DNAJC13: variants seen among roughly 807,000 people sequenced by gnomAD.
DNAJC13 encodes the protein DnaJ heat shock protein family (Hsp40) member C13, also known as dnaJ homolog subfamily C member 13.
Under a neutral mutation model 290.5 loss-of-function variants are expected in DNAJC13, and 75 were observed. That is an observed-to-expected ratio of 0.26 (90% confidence interval 0.21 to 0.31). The LOEUF is 0.31. Among genes scored for constraint, DNAJC13 ranks in the 10% least tolerant of loss-of-function variants. DNAJC13 has a pLI of 1.00. For missense variants in DNAJC13, 2,260 were observed against 2,674.5 expected (o/e 0.85, Z 3.42); for synonymous variants, 862 against 892.0 (o/e 0.97, Z 0.60).
chr3:132,514,811 A>G, intron 46 of DNAJC13, 141 bp downstream of exon 46: 1 of 663,372 alleles, frequency 1.5e-6, no homozygotes. Context: ...TTGTCTTCCT[A>G]ATAATGTTTT....
At chr3:132,460,200 C>T in intron 13 of DNAJC13, 50 bp from the exon 14 acceptor site, 1 of 1,240,736 alleles carries the variant, frequency 8.1e-7, no homozygotes, top group South Asian at 1.4e-5. Flanking sequence ...GTGATGCTAG[C>T]ACATGGGACT....
intron 55 of DNAJC13, among the ~76,000 whole-genome samples, chr3:132,532,649 A>G (rs1438156656): frequency 1.3e-5 from 2 of 152,114 alleles, no homozygotes; most frequent in East Asian, 1.9e-4. Context: ...CCTATGTCCA[A>G]AAGTTCACAT....
intron 51 of DNAJC13, among the ~76,000 whole-genome samples, chr3:132,525,355 A>G (rs189055796): frequency 2.1e-4 from 32 of 152,318 alleles, no homozygotes; most frequent in African/African-American, 7.0e-4. Context: ...AAAACCTGCA[A>G]TAGAAATTGG....
intron 25 of DNAJC13, 47 bp from the exon 26 acceptor site, chr3:132,480,322 G>T (rs777328225): frequency 1.5e-6 from 2 of 1,338,154 alleles, no homozygotes; most frequent in Non-Finnish European, 2.1e-6. Flanking sequence ...TAGGTTTTAG[G>T]TTATGAAAAA....
chr3:132,510,495 T>C (rs1455241894), intron 43 of DNAJC13, among the ~76,000 whole-genome samples: 1 of 152,032 alleles, frequency 6.6e-6, no homozygotes, highest in East Asian at 1.9e-4. Flanking sequence ...GTAACTGGGA[T>C]TACAGGTTCA....
chr3:132,499,492 G>A (rs1178888005), intron 37 of DNAJC13, among the ~76,000 whole-genome samples, 182 bp downstream of exon 37: 1 of 152,146 alleles, frequency 6.6e-6, no homozygotes, highest in East Asian at 1.9e-4. Context: ...CACAATGTGA[G>A]TTGGAAAGTA....
At chr3:132,519,134 T>C (rs1289547103) in intron 48 of DNAJC13, among the ~76,000 whole-genome samples, 1 of 152,222 alleles carries the variant, frequency 6.6e-6, no homozygotes, top group Admixed American at 6.5e-5. Context: ...CAGGTTTTTG[T>C]GTGGACATGT....
At chr3:132,507,125 C>T (rs1935619312) in intron 42 of DNAJC13, 112 bp from the exon 43 acceptor site, 1 of 662,450 alleles carries the variant, frequency 1.5e-6, no homozygotes, top group East Asian at 2.7e-5. Context: ...TATCACACCA[C>T]ATTTTTTCTC....
chr3:132,518,726 A>T (rs1295848881), intron 48 of DNAJC13, among the ~76,000 whole-genome samples: 1 of 152,106 alleles, frequency 6.6e-6, no homozygotes, highest in Admixed American at 6.6e-5. Flanking sequence ...TACAGTTCAC[A>T]CATATCTAGT....
chr3:132,505,025 A>T (rs1935541006), intron 41 of DNAJC13, among the ~76,000 whole-genome samples: 1 of 152,214 alleles, frequency 6.6e-6, no homozygotes, highest in South Asian at 2.1e-4. Flanking sequence ...GATTTTGAGA[A>T]TGTTGAAGTC....
intron 27 of DNAJC13, among the ~76,000 whole-genome samples, chr3:132,483,113 A>T (rs994128721): frequency 6.6e-6 from 1 of 152,040 alleles, no homozygotes; most frequent in African/African-American, 2.4e-5. Flanking sequence ...TAATTTGATT[A>T]TTTAGCACCC....
chr3:132,465,362 T>C (rs1933944501), intron 17 of DNAJC13, among the ~76,000 whole-genome samples: 1 of 152,182 alleles, frequency 6.6e-6, no homozygotes, highest in Admixed American at 6.5e-5. Context: ...TGAGGAGCTT[T>C]CAGTTAAGGT....
chr3:132,523,589 C>A lies in DNAJC13; in HGVS notation c.5936C>A (p.Ala1979Asp). 1 of 1,614,066 alleles carries A rather than the reference C, an allele frequency of 6.2e-7. No homozygotes were observed. Among genetic ancestry groups the A allele is most frequent in the Non-Finnish European group, 8.5e-7 (1 of 1,179,968 alleles). Residue 1979 changes from alanine to aspartate, a missense_variant, in exon 51 of 56, where the codon GCT (alanine) becomes GAT (aspartate). Ala to Asp is a moderately radical substitution (Grantham distance 126, BLOSUM62 -2). Around this residue, in one of 3 missense-constraint regions of DNAJC13, gnomAD observed 1,494 missense variants for 1,693.7 expected, o/e 0.88. Coordinates refer to ENST00000260818, the MANE Select transcript of DNAJC13 (RefSeq NM_015268.4). Reference protein sequence around the residue: ...VVFGEAEGELAVGGVFLRIFI... With the variant: ...VVFGEAEGELDVGGVFLRIFI... ...TTTGGAGAAGCAGAGGGTGAACTTG[C>A]TGTTGGAGGAGTCTTCTTGAGGATC...
chr3:132,437,122 G>A (rs1394057349), intron 2 of DNAJC13, among the ~76,000 whole-genome samples: 2 of 151,822 alleles, frequency 1.3e-5, no homozygotes, highest in Admixed American at 6.6e-5. Flanking sequence ...CAAGTAATCC[G>A]CCCGCCTCAG....
intron 51 of DNAJC13, among the ~76,000 whole-genome samples, chr3:132,525,270 G>A (rs894395436): frequency 6.6e-6 from 1 of 152,118 alleles, no homozygotes; most frequent in African/African-American, 2.4e-5. Context: ...AACCTGGGAG[G>A]CAGAGGTTGT....
In DNAJC13 at chr3:132,516,242, T is replaced by G. The variant is rs143441450; in HGVS notation, c.5486-180T>G. On this transcript the variant is annotated intron_variant, in intron 46 of 55. Transcript: ENST00000260818. The stretch of plus-strand genomic sequence containing the variant: ...CTGTGAGACCTTGGGCCGGTTAAAC[T>G]GGGCATCAGCTTCCTCACTCATAAC... Among the ~76,000 whole-genome samples, 127 of 152,310 alleles carry G rather than the reference T, an allele frequency of 8.3e-4. 1 individual carries two copies. Among genetic ancestry groups the G allele is most frequent in the African/African-American group, 2.9e-3 (121 of 41,572 alleles).
chr3:132,518,293 G>A (rs1210142663), intron 48 of DNAJC13, among the ~76,000 whole-genome samples: 1 of 152,218 alleles, frequency 6.6e-6, no homozygotes, highest in African/African-American at 2.4e-5. Flanking sequence ...TAAACTTTCT[G>A]TATAGACAAA....
chr3:132,459,442 T>C (rs767155162), intron 13 of DNAJC13, among the ~76,000 whole-genome samples: 8 of 152,156 alleles, frequency 5.3e-5, no homozygotes, highest in Non-Finnish European at 1.2e-4. Context: ...GGGGAATTAT[T>C]GTTTAATGAT....
chr3:132,453,760 T>C (rs1457289147), intron 8 of DNAJC13, 66 bp downstream of exon 8: 1 of 1,376,852 alleles, frequency 7.3e-7, no homozygotes, highest in Non-Finnish European at 1.0e-6. Context: ...TAATTTTCTT[T>C]CTATTTTAAT....
Sources: gnomAD v4.1 joint callset for allele counts (sites outside exome capture counted in the v4.1 genomes callset) on GRCh38, gnomAD v4.1.1 for gene constraint, gnomAD v4.1.1 regional missense constraint, MANE v1.5 for transcripts, NCBI Gene and HGNC (gene_info 2026-07-23, HGNC 2026-07-21) for gene names.